Variants in PRKCB observed in about 807,000 individuals in gnomAD.
PRKCB encodes the protein protein kinase C beta.
PRKCB carries 13 observed loss-of-function variants against 81.5 expected under a neutral mutation model. That is an observed-to-expected ratio of 0.16 (90% CI 0.10 to 0.25). PRKCB has a LOEUF of 0.25. PRKCB is among the 10% of genes least tolerant of loss of function. The pLI is 1.00. For synonymous variants in PRKCB, 335 were observed against 321.4 expected (o/e 1.04, Z -0.45); for missense variants, 509 against 875.7 (o/e 0.58, Z 5.29).
At chr16:24,145,849 G>A (rs400066) in intron 9 of PRKCB, among the ~76,000 whole-genome samples, 55,426 of 152,096 alleles carry the variant, frequency 0.36, 10,475 homozygotes, top group South Asian at 0.48. Context: ...TGATGTTGAC[G>A]ATCACCACTG....
At chr16:23,970,989 T>C (rs899045831) in intron 2 of PRKCB, among the ~76,000 whole-genome samples, 1 of 152,226 alleles carries the variant, frequency 6.6e-6, no homozygotes, top group African/African-American at 2.4e-5. Flanking sequence ...TCTGGGCCTC[T>C]GGCTTAGTTT....
chr16:23,874,848 T>C (rs1962969301), intron 2 of PRKCB, among the ~76,000 whole-genome samples: 1 of 152,194 alleles, frequency 6.6e-6, no homozygotes, highest in African/African-American at 2.4e-5. Flanking sequence ...ATACTTAATC[T>C]GAAAACCTCT....
At chr16:24,133,898 A>ATT (rs113809790) in intron 9 of PRKCB, among the ~76,000 whole-genome samples, 1,687 of 141,336 alleles carry the variant, frequency 0.012, 34 homozygotes, top group African/African-American at 0.037. Context: ...CCTAGTTTAA[A>ATT]TTTTTTTTTT....
In PRKCB at chr16:24,217,082, G is replaced by T; in HGVS notation, c.*2266G>T. On this transcript the variant is annotated 3_prime_UTR_variant, in exon 17 of 17. Coordinates refer to ENST00000643927, the MANE Select transcript of PRKCB (RefSeq NM_002738.7). ...TTTAGAAAACAATGTAGGATGAATG[G>T]AAAGAGAAAGAAAGGAAAGAAAGAA... The T allele has an allele frequency of 2.0e-6, 2 of 981,956 alleles. No individual in the cohort carries two copies. The highest frequency in any genetic ancestry group is 2.4e-6 in the Non-Finnish European group (2 of 829,442). The allele number at this position is 981,956 out of a possible 1,614,324, so 60.8% of individuals were successfully genotyped here. A position where few individuals can be genotyped will look rare whatever the true frequency, so the allele number is the denominator to read the frequency against.
intron 9 of PRKCB, among the ~76,000 whole-genome samples, chr16:24,135,711 A>T (rs528032225): frequency 1.4e-3 from 220 of 152,312 alleles, no homozygotes; most frequent in African/African-American, 5.1e-3. Context: ...GCCAGGAACA[A>T]AGGCCTTCTC....
At chr16:24,086,789 C>T (rs1444701597) in intron 5 of PRKCB, among the ~76,000 whole-genome samples, 1 of 152,120 alleles carries the variant, frequency 6.6e-6, no homozygotes, top group Non-Finnish European at 1.5e-5. Context: ...TATTTTAAAT[C>T]AATTTTGGGT....
At chr16:23,948,001 A>G (rs1964227205) in intron 2 of PRKCB, among the ~76,000 whole-genome samples, 1 of 151,820 alleles carries the variant, frequency 6.6e-6, no homozygotes, top group South Asian at 2.1e-4. Context: ...GAGCACAGAC[A>G]TGTGACCTAG....
At chr16:23,916,690 C>T (rs1963746231) in intron 2 of PRKCB, among the ~76,000 whole-genome samples, 1 of 152,160 alleles carries the variant, frequency 6.6e-6, no homozygotes, top group South Asian at 2.1e-4. Context: ...CAAATGTTAG[C>T]TTACCTTGCT....
At chr16:24,112,883 C>A in intron 7 of PRKCB, 90 bp from the exon 8 acceptor site, 1 of 908,978 alleles carries the variant, frequency 1.1e-6, no homozygotes, top group Non-Finnish European at 1.7e-6. Context: ...TCAAGTAGAG[C>A]TTTATATAGG....
chr16:23,974,856 A>G (rs1475446687), intron 2 of PRKCB, among the ~76,000 whole-genome samples: 2 of 152,180 alleles, frequency 1.3e-5, no homozygotes, highest in African/African-American at 4.8e-5. Flanking sequence ...GATGACCTTC[A>G]CAGGGTGACA....
chr16:23,943,801 C>T (rs551079745), intron 2 of PRKCB, among the ~76,000 whole-genome samples: 1 of 152,280 alleles, frequency 6.6e-6, no homozygotes, highest in Non-Finnish European at 1.5e-5. Flanking sequence ...ACCATCAAGC[C>T]TAACCTTTAT....
intron 2 of PRKCB, among the ~76,000 whole-genome samples, chr16:23,895,208 A>G (rs1417492389): frequency 1.3e-5 from 2 of 152,120 alleles, no homozygotes; most frequent in South Asian, 2.1e-4. Flanking sequence ...TTGTCCTGTA[A>G]TGATGTGAAA....
At chr16:23,841,936 G>A (rs1962274049) in intron 2 of PRKCB, among the ~76,000 whole-genome samples, 1 of 152,012 alleles carries the variant, frequency 6.6e-6, no homozygotes, top group East Asian at 1.9e-4. Flanking sequence ...GATTACAGGT[G>A]TGAGCCACTG....
chr16:23,882,726 T>A (rs1190980310), intron 2 of PRKCB, among the ~76,000 whole-genome samples: 1 of 151,784 alleles, frequency 6.6e-6, no homozygotes, highest in Non-Finnish European at 1.5e-5. Flanking sequence ...AATAATGCTG[T>A]TGTGAACATG....
At chr16:24,003,026 C>G (rs1260077001) in intron 3 of PRKCB, among the ~76,000 whole-genome samples, 1 of 152,094 alleles carries the variant, frequency 6.6e-6, no homozygotes, top group Non-Finnish European at 1.5e-5. Flanking sequence ...CATCTTCACT[C>G]TACCTTTTGA....
chr16:24,121,791 AC>A (rs1165204629), intron 8 of PRKCB, among the ~76,000 whole-genome samples: 1 of 152,250 alleles, frequency 6.6e-6, no homozygotes, highest in African/African-American at 2.4e-5. Context: ...AATAATAGCT[AC>A]CATTCACTGA....
At chr16:24,162,912 ACCTGG>A (rs58197133) in intron 10 of PRKCB, among the ~76,000 whole-genome samples, 3,176 of 152,306 alleles carry the variant, frequency 0.021, 95 homozygotes, top group African/African-American at 0.072. Flanking sequence ...ACAAAGGTGT[ACCTGG>A]GCCTCATGAG....
chr16:23,837,403 C>A lies in PRKCB; in HGVS notation c.202C>A (p.Gln68Lys), dbSNP rs1329943455. The part of the protein sequence containing the change: ...WGFGKQGFQC[Q>K]VCCFVVHKRC... ...CTTCGGGAAGCAGGGATTCCAGTGCCAAGGTAGGCTCTGGGGCTTTGGGGA... is the reference window on the plus strand; with the variant it reads ...CTTCGGGAAGCAGGGATTCCAGTGCAAAGGTAGGCTCTGGGGCTTTGGGGA... Residue 68 changes from glutamine to lysine, a missense_variant, in exon 2 of 17, where the codon CAA becomes AAA. Physicochemically the swap from Gln to Lys is moderately conservative, Grantham distance 53. Coordinates refer to ENST00000643927, the MANE Select transcript of PRKCB (RefSeq NM_002738.7). 1 of 1,612,412 alleles carries A rather than the reference C, an allele frequency of 6.2e-7. No homozygotes were observed. The highest frequency in any genetic ancestry group is 1.7e-5 in the Admixed American group (1 of 59,634).
intron 2 of PRKCB, among the ~76,000 whole-genome samples, chr16:23,947,837 C>G (rs1964223323): frequency 6.7e-6 from 1 of 149,834 alleles, no homozygotes; most frequent in Non-Finnish European, 1.5e-5. Context: ...GTGCCAAGAG[C>G]TAATGGGAGA....
Sources: gnomAD v4.1 joint callset for allele counts (sites outside exome capture counted in the v4.1 genomes callset) on GRCh38, gnomAD v4.1.1 for gene constraint, MANE v1.5 for transcripts, NCBI Gene and HGNC (gene_info 2026-07-23, HGNC 2026-07-21) for gene names.